Variants in STK31 observed in about 807,000 individuals in gnomAD.
STK31 encodes serine/threonine-protein kinase 31.
In STK31, 89 loss-of-function variants were observed where a neutral mutation model predicts 129.7. That is an observed-to-expected ratio of 0.69 (90% CI 0.58 to 0.82). STK31 has a LOEUF of 0.82. Ranked by LOEUF, STK31 falls within the 40% of genes least tolerant of loss-of-function variation. STK31 has a pLI of 0.00. For synonymous variants in STK31, 448 were observed against 395.3 expected (o/e 1.13, Z -1.58); for missense variants, 1,187 against 1,176.4 (o/e 1.01, Z -0.13).
intron 14 of STK31, 180 bp from the exon 15 acceptor site, chr7:23,771,967 G>A: frequency 2.4e-6 from 1 of 414,320 alleles, no homozygotes; most frequent in East Asian, 4.2e-5. Context: ...CTTCTAAATA[G>A]AAACATGGAT....
Position 23,712,257 on chromosome 7 carries a change from A to G in STK31, c.121A>G (p.Ile41Val), listed in dbSNP as rs1182209536. ...AGTGGAAGATGTGGTTGGAAGTCAC[A>G]TAGAAGATGCAGTAACATTTTGGGC... is the stretch of plus-strand genomic sequence containing the variant. ...DKVEDVVGSH[I>V]EDAVTFWAQS... Residue 41 changes from isoleucine (I) to valine (V), a missense_variant, in exon 3 of 24, where the codon ATA (isoleucine) becomes GTA (valine). Around this residue, in one of 5 missense-constraint regions of STK31, gnomAD observed 104 missense variants for 98.3 expected, o/e 1.06. Transcript: ENST00000355870. 1 of 1,614,142 alleles carries G rather than the reference A, an allele frequency of 6.2e-7. No homozygotes were observed. Among genetic ancestry groups the G allele is most frequent in the African/African-American group, 1.3e-5 (1 of 75,044 alleles).
At chr7:23,720,438 C>G (rs1467819035) in intron 4 of STK31, among the ~76,000 whole-genome samples, 1 of 152,122 alleles carries the variant, frequency 6.6e-6, no homozygotes, top group African/African-American at 2.4e-5. Context: ...CACTCATGCT[C>G]TTTCACTCTT....
chr7:23,809,586 G>T (rs575700987), intron 22 of STK31, among the ~76,000 whole-genome samples: 1 of 152,182 alleles, frequency 6.6e-6, no homozygotes, highest in Non-Finnish European at 1.5e-5. Context: ...ACGAAAAGTG[G>T]ACCTTTTATA....
chr7:23,753,066 T>G (rs1258647679), intron 9 of STK31, among the ~76,000 whole-genome samples: 4 of 152,180 alleles, frequency 2.6e-5, no homozygotes, highest in African/African-American at 4.8e-5. Context: ...AGACTGAAAT[T>G]GAAAAAACAG....
chr7:23,756,849 C>G (rs144504064), intron 10 of STK31, among the ~76,000 whole-genome samples: 2 of 152,056 alleles, frequency 1.3e-5, no homozygotes, highest in African/African-American at 4.8e-5. Context: ...TGGACTTGAT[C>G]GTGGTGGGTA....
chr7:23,763,051 C>T, intron 11 of STK31, 128 bp downstream of exon 11: 1 of 790,000 alleles, frequency 1.3e-6, no homozygotes, highest in Non-Finnish European at 1.8e-6. Context: ...TTCCTGAATT[C>T]TGATTTCTTT....
chr7:23,786,956 T>C (rs1193307765), intron 20 of STK31, 32 bp downstream of exon 20: 1 of 1,578,216 alleles, frequency 6.3e-7, no homozygotes, highest in South Asian at 1.1e-5. Flanking sequence ...TTTCCATGGA[T>C]GTATTAAATG....
chr7:23,715,452 C>T (rs996255867), intron 3 of STK31, among the ~76,000 whole-genome samples: 1 of 128,422 alleles, frequency 7.8e-6, no homozygotes, highest in African/African-American at 2.9e-5. Flanking sequence ...CTTGTCGCTA[C>T]AAAAAAAAAA....
rs143004678 is a variant in STK31 at position 23,794,243 on chromosome 7, G to T, written c.2760+3297G>T. On this transcript the variant is annotated intron_variant, in intron 22 of 23. Coordinates refer to ENST00000355870, the MANE Select transcript of STK31 (RefSeq NM_031414.5). Reference sequence around the variant, plus strand: ...TCATGGGGGTAGTTTCCCCCATGCAGTTCTTGTGGAAGTAAGTCTCACAAG... The same window carrying T: ...TCATGGGGGTAGTTTCCCCCATGCATTTCTTGTGGAAGTAAGTCTCACAAG... 2.0e-5 allele frequency among the ~76,000 whole-genome samples: 3 copies of T among 152,266 alleles called. No individual in the cohort carries two copies. The East Asian group carries it at 5.8e-4, about 29-fold the overall frequency.
At chr7:23,756,426 A>T (rs184340126) in intron 10 of STK31, among the ~76,000 whole-genome samples, 5 of 152,310 alleles carry the variant, frequency 3.3e-5, no homozygotes, top group Admixed American at 3.3e-4. Context: ...TAAATATAAA[A>T]TCATGTCGTC....
Position 23,784,848 on chromosome 7 carries a change from A to G in STK31, c.2149-630A>G, listed in dbSNP as rs948084255. Among the ~76,000 whole-genome samples the G allele has an allele frequency of 1.3e-4, 20 of 152,126 alleles. 1 individual carries two copies. Among genetic ancestry groups the G allele is most frequent in the Non-Finnish European group, 2.8e-4 (19 of 67,996 alleles). ...CTAGTAAAATTAGTTATTGAAAGCC[A>G]TTTTCACTTTTGAGGACTCCAAACA... On this transcript the variant is annotated intron_variant, in intron 17 of 23. Transcript: ENST00000355870.
At chr7:23,773,698 G>C (rs924343884) in intron 15 of STK31, among the ~76,000 whole-genome samples, 4 of 151,050 alleles carry the variant, frequency 2.6e-5, no homozygotes, top group African/African-American at 9.7e-5. Flanking sequence ...ATCCTCTCCA[G>C]CATCTGTGGT....
intron 1 of STK31, 67 bp downstream of exon 1, chr7:23,710,402 C>A: frequency 1.2e-6 from 2 of 1,609,790 alleles, no homozygotes; most frequent in South Asian, 1.1e-5. Context: ...TCGCTGCTTG[C>A]GTTTTAAGTC....
At chr7:23,749,584 C>G (rs1394321370) in intron 8 of STK31, among the ~76,000 whole-genome samples, 1 of 150,760 alleles carries the variant, frequency 6.6e-6, no homozygotes, top group African/African-American at 2.4e-5. Flanking sequence ...AACTCCTGGG[C>G]TCAAGCAGTT....
intron 10 of STK31, among the ~76,000 whole-genome samples, chr7:23,755,504 T>G (rs866447175): frequency 6.6e-6 from 1 of 152,214 alleles, no homozygotes; most frequent in Non-Finnish European, 1.5e-5. Flanking sequence ...TTTAGTTTAA[T>G]TAGATCCCAT....
chr7:23,764,017 T>C (rs535068148), intron 11 of STK31, among the ~76,000 whole-genome samples: 2 of 152,280 alleles, frequency 1.3e-5, no homozygotes, highest in Admixed American at 1.3e-4. Context: ...TTCAGGGACA[T>C]CTGGGCATTG....
At chr7:23,746,470 G>C (rs543662295) in intron 8 of STK31, among the ~76,000 whole-genome samples, 1 of 152,244 alleles carries the variant, frequency 6.6e-6, no homozygotes, top group Non-Finnish European at 1.5e-5. Context: ...TGATCTATTT[G>C]AAGTGTGATT....
At chr7:23,819,525 C>T (rs1302383492) in intron 23 of STK31, among the ~76,000 whole-genome samples, 1 of 151,926 alleles carries the variant, frequency 6.6e-6, no homozygotes, top group African/African-American at 2.4e-5. Flanking sequence ...AGCGATTCTC[C>T]TGCCTCAGCA....
At chr7:23,749,867 G>T (rs1331593266) in intron 8 of STK31, among the ~76,000 whole-genome samples, 1 of 152,034 alleles carries the variant, frequency 6.6e-6, no homozygotes, top group Non-Finnish European at 1.5e-5. Flanking sequence ...GGATAGGATG[G>T]CTAGAGTAGG....
Sources: gnomAD v4.1 joint callset for allele counts (sites outside exome capture counted in the v4.1 genomes callset) on GRCh38, gnomAD v4.1.1 for gene constraint, gnomAD v4.1.1 regional missense constraint, MANE v1.5 for transcripts, NCBI Gene and HGNC (gene_info 2026-07-23, HGNC 2026-07-21) for gene names.